Variants in WDR7 observed in about 807,000 individuals in gnomAD.
WDR7 encodes the protein WD repeat domain 7, also known as WD repeat-containing protein 7.
A neutral mutation model predicts 169.4 loss-of-function variants in WDR7; 46 were observed. The ratio of observed to expected loss-of-function variants is 0.27; its 90% CI spans 0.21 to 0.35. The LOEUF (loss-of-function observed/expected upper bound fraction) is 0.35. Among genes scored for constraint, WDR7 ranks in the 10% least tolerant of loss-of-function variants. The probability of loss-of-function intolerance (pLI) is 1.00; values close to 1 mark genes in which losing one functional copy is unlikely to be tolerated. For missense variants in WDR7, 1,534 were observed against 1,859.3 expected, an observed-to-expected ratio of 0.83 and a Z score of 3.22; for synonymous variants, 612 against 666.8, an observed-to-expected ratio of 0.92 and a Z score of 1.27.
intron 19 of WDR7, among the ~76,000 whole-genome samples, chr18:56,799,421 G>GT (rs200971699): frequency 3.0e-5 from 4 of 134,274 alleles, no homozygotes; most frequent in Non-Finnish European, 6.5e-5. Flanking sequence ...AAATATTTTG[G>GT]TTTTTTTTAT....
chr18:56,894,894 G>A (rs1301497773), intron 21 of WDR7, among the ~76,000 whole-genome samples: 1 of 151,884 alleles, frequency 6.6e-6, no homozygotes, highest in Admixed American at 6.6e-5. Flanking sequence ...AAGTATACAA[G>A]TAGTCAAAGG....
rs372385644 is a variant in WDR7, at chr18:56,924,362, G to A, written c.3713+254G>A. Among the ~76,000 whole-genome samples the A allele has an allele frequency of 1.2e-4, 18 of 152,184 alleles. No individual in the cohort carries two copies. The South Asian group carries it at 1.7e-3, about 14-fold the overall frequency. On this transcript the variant is annotated intron_variant, in intron 22 of 27. Transcript: ENST00000254442. ...GTTTTCCAATTGTATTTGTTATACC[G>A]TGAAGTATTACTCACTAATAATAGT...
chr18:56,718,878 C>T (rs553189636), intron 13 of WDR7, among the ~76,000 whole-genome samples: 9 of 152,184 alleles, frequency 5.9e-5, no homozygotes, highest in East Asian at 1.9e-4. Flanking sequence ...TCCTTTTCTT[C>T]GTCTTTGTTT....
intron 26 of WDR7, among the ~76,000 whole-genome samples, chr18:56,985,027 C>G (rs988889581): frequency 6.6e-6 from 1 of 152,170 alleles, no homozygotes; most frequent in African/African-American, 2.4e-5. Flanking sequence ...CACACCATCT[C>G]CATGACACTC....
At chr18:56,936,974 G>A (rs2046968983) in intron 23 of WDR7, among the ~76,000 whole-genome samples, 1 of 151,866 alleles carries the variant, frequency 6.6e-6, no homozygotes, top group Non-Finnish European at 1.5e-5. Context: ...AATTTTATTA[G>A]TCTTGGAAGG....
chr18:56,678,890 T>C (rs1172821472), intron 2 of WDR7, among the ~76,000 whole-genome samples: 3 of 152,214 alleles, frequency 2.0e-5, no homozygotes, highest in African/African-American at 7.2e-5. Context: ...AGACTGTTGT[T>C]CTCTGTTCAT....
intron 26 of WDR7, among the ~76,000 whole-genome samples, chr18:56,989,107 T>C (rs1209118463): frequency 6.6e-6 from 1 of 151,356 alleles, no homozygotes; most frequent in African/African-American, 2.4e-5. Flanking sequence ...ATGGTGAGAA[T>C]ACCATGGCTA....
At chr18:56,764,452 A>G (rs867992484) in intron 16 of WDR7, among the ~76,000 whole-genome samples, 2 of 152,116 alleles carry the variant, frequency 1.3e-5, no homozygotes, top group African/African-American at 2.4e-5. Context: ...ATAGTGTACA[A>G]CATGATGTTT....
At chr18:56,777,790 T>C (rs1018955932) in intron 17 of WDR7, among the ~76,000 whole-genome samples, 1 of 152,186 alleles carries the variant, frequency 6.6e-6, no homozygotes, top group Non-Finnish European at 1.5e-5. Context: ...CACCACTCCT[T>C]TGGAAAGAAA....
At chr18:56,979,879 A>G (rs749289312) in intron 26 of WDR7, among the ~76,000 whole-genome samples, 7 of 152,236 alleles carry the variant, frequency 4.6e-5, no homozygotes, top group Non-Finnish European at 8.8e-5. Flanking sequence ...AGCCATTTCT[A>G]TACGTTGGGA....
intron 20 of WDR7, among the ~76,000 whole-genome samples, chr18:56,869,692 GA>G (rs1336724689): frequency 1.3e-5 from 2 of 152,126 alleles, no homozygotes; most frequent in African/African-American, 4.8e-5. Flanking sequence ...TCATTTTCTT[GA>G]TAGGAGGCAA....
At chr18:56,718,728 G>C (rs921995004) in intron 13 of WDR7, among the ~76,000 whole-genome samples, 1 of 152,170 alleles carries the variant, frequency 6.6e-6, no homozygotes, top group African/African-American at 2.4e-5. Context: ...AAATTTGTAA[G>C]TATATAACTA....
At chr18:56,657,161 CTT>C (rs779751073) in intron 1 of WDR7, among the ~76,000 whole-genome samples, 26 of 136,708 alleles carry the variant, frequency 1.9e-4, no homozygotes, top group Non-Finnish European at 2.2e-4. Flanking sequence ...TTTGTTGGGA[CTT>C]TTTTTTTTTT....
At chr18:56,842,016 A>G (rs901031397) in intron 20 of WDR7, among the ~76,000 whole-genome samples, 1 of 152,176 alleles carries the variant, frequency 6.6e-6, no homozygotes, top group African/African-American at 2.4e-5. Context: ...TTATGGAAGG[A>G]ACATATCATA....
chr18:56,990,487 T>C lies in WDR7; in HGVS notation c.4164+27958T>C, dbSNP rs2047795626. Among the ~76,000 whole-genome samples the C allele has an allele frequency of 2.6e-5, 4 of 152,126 alleles. No individual in the cohort carries two copies. The South Asian group carries it at 6.2e-4, about 24-fold the overall frequency. On this transcript the variant is annotated intron_variant, in intron 26 of 27. Coordinates refer to ENST00000254442, the MANE Select transcript of WDR7 (RefSeq NM_015285.3). ...CAAACATCCTATAGATGAGAACATA[T>C]GATTTCTAAGGTTTTCTTTCAAACA... is the stretch of plus-strand genomic sequence containing the variant.
intron 6 of WDR7, among the ~76,000 whole-genome samples, chr18:56,686,276 A>T (rs184553012): frequency 6.6e-6 from 1 of 152,164 alleles, no homozygotes; most frequent in Admixed American, 6.5e-5. Context: ...ATTGCGCAGG[A>T]TATGTAGAGG....
At chr18:56,823,985 CT>C (rs1480224862) in intron 20 of WDR7, among the ~76,000 whole-genome samples, 3 of 152,076 alleles carry the variant, frequency 2.0e-5, no homozygotes, top group Non-Finnish European at 2.9e-5. Flanking sequence ...ACCCTTCACC[CT>C]CATTAACAGC....
intron 20 of WDR7, among the ~76,000 whole-genome samples, chr18:56,846,114 T>C (rs2045563506): frequency 6.6e-6 from 1 of 152,314 alleles, no homozygotes; most frequent in Admixed American, 6.5e-5. Context: ...GAATATTGAC[T>C]AACAAAAATA....
At chr18:56,932,971 G>T (rs2046910386) in intron 22 of WDR7, among the ~76,000 whole-genome samples, 1 of 152,056 alleles carries the variant, frequency 6.6e-6, no homozygotes. Flanking sequence ...CCGGAGAAGG[G>T]ATGGAAGCGA....
Sources: gnomAD v4.1 joint callset for allele counts (sites outside exome capture counted in the v4.1 genomes callset) on GRCh38, gnomAD v4.1.1 for gene constraint, MANE v1.5 for transcripts, NCBI Gene and HGNC (gene_info 2026-07-23, HGNC 2026-07-21) for gene names.